The following SRP68 variants were observed in gnomAD, a reference collection of about 807,000 sequenced individuals.
The protein encoded by SRP68 is signal recognition particle subunit SRP68.
SRP68 carries 15 observed loss-of-function variants against 82.2 expected under a neutral mutation model. The ratio of observed to expected loss-of-function variants is 0.18; its 90% CI spans 0.12 to 0.28. The LOEUF is 0.28. Among genes scored for constraint, SRP68 ranks in the 10% least tolerant of loss-of-function variants. The probability of loss-of-function intolerance (pLI) is 1.00; values close to 1 mark genes in which losing one functional copy is unlikely to be tolerated. For synonymous variants in SRP68, 261 were observed against 292.6 expected (o/e 0.89, Z 1.10); for missense variants, 595 against 780.5 (o/e 0.76, Z 2.83).
At position 76,061,999 on chromosome 17, in the gene SRP68, G is replaced by A. The variant is rs139087052; in HGVS notation, c.562-425C>T. Among the ~76,000 whole-genome samples the A allele has an allele frequency of 7.5e-3, 1,136 of 151,650 alleles. 12 individuals carry two copies. The highest frequency in any genetic ancestry group is 0.026 in the African/African-American group (1,081 of 41,368). ...ACCAAAAATTAAAAAAAAATTACCC[G>A]GGTGTGGCCAGGCGCAGTGGCTCAT... On this transcript the variant is annotated intron_variant, in intron 4 of 15. Transcript: ENST00000307877.
At chr17:76,055,990 T>C (rs960890873) in intron 8 of SRP68, among the ~76,000 whole-genome samples, 5 of 151,806 alleles carry the variant, frequency 3.3e-5, no homozygotes, top group African/African-American at 1.2e-4. Context: ...TGGTACTTTT[T>C]TTTGTAGAGA....
intron 12 of SRP68, chr17:76,044,684 T>C (rs1340012765): frequency 2.0e-5 from 3 of 152,368 alleles, no homozygotes; most frequent in African/African-American, 7.2e-5. Flanking sequence ...TAACACCCTT[T>C]CAAGGCGTGC....
chr17:76,049,385 T>A (rs777093258), intron 9 of SRP68: 1 of 151,632 alleles, frequency 6.6e-6, no homozygotes, highest in Non-Finnish European at 1.5e-5. Flanking sequence ...ACAGATGGGG[T>A]TTGGACAGGT....
In SRP68 at chr17:76,040,943, C is replaced by T. The variant is rs2066585526; in HGVS notation, c.1560G>A (p.Val520=). 6.2e-7 allele frequency: 1 copy of T among 1,614,062 alleles called. No individual in the cohort carries two copies. Among genetic ancestry groups the T allele is most frequent in the South Asian group, 1.1e-5 (1 of 91,078 alleles). ...LPDVQELITQ[V]RSEKCSLQAA... ...CCTGCAGGGAGCACTTCTCTGACCG[C>T]ACTTGAGTGATGAGCTCTTGCACAT... Residue 520 remains valine (V), a synonymous_variant, in exon 14 of 16, where the codon GTG becomes GTA. Transcript: ENST00000307877.
At chr17:76,056,441 C>T in intron 8 of SRP68, among the ~76,000 whole-genome samples, 1 of 152,184 alleles carries the variant, frequency 6.6e-6, no homozygotes, top group East Asian at 1.9e-4. Context: ...AAAAAAAGTT[C>T]CTTAGCCTTT....
chr17:76,060,720 T>C (rs1329259704), intron 6 of SRP68: 4 of 342,368 alleles, frequency 1.2e-5, no homozygotes, highest in African/African-American at 2.1e-5. Context: ...TTGTAACAAA[T>C]GCACCCCTCT....
At chr17:76,054,457 T>C in intron 8 of SRP68, among the ~76,000 whole-genome samples, 1 of 152,242 alleles carries the variant, frequency 6.6e-6, no homozygotes, top group Non-Finnish European at 1.5e-5. Context: ...CTTGAGAATA[T>C]ACATGAATAT....
chr17:76,045,752 C>T (rs2066625413), intron 11 of SRP68, among the ~76,000 whole-genome samples: 2 of 152,156 alleles, frequency 1.3e-5, no homozygotes, highest in South Asian at 4.1e-4. Context: ...TCCCTGGGGG[C>T]CGAGATGGCA....
intron 1 of SRP68, among the ~76,000 whole-genome samples, chr17:76,070,850 G>GCACACACACACACACACACACA (rs71891783): frequency 6.8e-6 from 1 of 146,776 alleles, no homozygotes; most frequent in Non-Finnish European, 1.5e-5. Flanking sequence ...ACATGCACAT[G>GCACACACACACACACACACACA]CACACACACA....
At position 76,045,040 on chromosome 17, in the gene SRP68, C is replaced by T. The variant is rs2066619454; in HGVS notation, c.1394+252G>A. 5 of 342,262 alleles carry T rather than the reference C, an allele frequency of 1.5e-5. No homozygotes were observed. The South Asian group carries it at 2.8e-4, about 19-fold the overall frequency. The allele number at this position is 342,262 out of a possible 1,614,324, so 21.2% of individuals were successfully genotyped here. A position where few individuals can be genotyped will look rare whatever the true frequency, so the allele number is the denominator to read the frequency against. Reference sequence around the variant, plus strand: ...GACAAGTGTGAGCCACCGCGCCCAGCGAGGAAGCCAAGTTTAACGTGTGTG... The same window carrying T: ...GACAAGTGTGAGCCACCGCGCCCAGTGAGGAAGCCAAGTTTAACGTGTGTG... On this transcript the variant is annotated intron_variant, in intron 12 of 15. Transcript: ENST00000307877.
rs934149758 is a variant in SRP68 at position 76,039,271 on chromosome 17, T to C, written c.*435A>G. Reference sequence around the variant, plus strand: ...TTCTGGGGTGACGTTGCCAGTTTCATAGTCATAGATAAACTTCTCAAGGGC... The same window carrying C: ...TTCTGGGGTGACGTTGCCAGTTTCACAGTCATAGATAAACTTCTCAAGGGC... On this transcript the variant is annotated 3_prime_UTR_variant, in exon 16 of 16. Transcript: ENST00000307877. 1 of 454,206 alleles carries C rather than the reference T, an allele frequency of 2.2e-6. No individual in the cohort carries two copies. The highest frequency in any genetic ancestry group is 2.0e-5 in the African/African-American group (1 of 50,046). The allele number at this position is 454,206 out of a possible 1,614,324, so 28.1% of individuals were successfully genotyped here. A position where few individuals can be genotyped will look rare whatever the true frequency, so the allele number is the denominator to read the frequency against.
chr17:76,071,467 T>C lies in SRP68; in HGVS notation c.184+841A>G, dbSNP rs2066852426. Among the ~76,000 whole-genome samples the C allele has an allele frequency of 6.6e-6, 1 of 152,238 alleles. No individual in the cohort carries two copies. The highest frequency in any genetic ancestry group is 2.1e-4 in the South Asian group (1 of 4,834). ...AAAATAGTGAACGCTAAAAGGACTC[T>C]TTAAATTACTAAAACGGGACAAAGA... On this transcript the variant is annotated intron_variant, in intron 1 of 15. Transcript: ENST00000307877. This position sits in a 1 kb window ranked among gnomAD's most constrained non-coding sequence, Gnocchi z 4.7.
chr17:76,068,626 A>G (rs1224651514), intron 2 of SRP68, among the ~76,000 whole-genome samples: 1 of 152,182 alleles, frequency 6.6e-6, no homozygotes, highest in Non-Finnish European at 1.5e-5. Flanking sequence ...TATCGCCAAG[A>G]AGCACTACAA....
In SRP68 at chr17:76,045,726, C is replaced by T. The variant is rs546224634; in HGVS notation, c.1299+312G>A. On this transcript the variant is annotated intron_variant, in intron 11 of 15. Transcript: ENST00000307877. ...CCTTGACTGTGTGTGTCTCACAGTC[C>T]TACTGACTGACAAACTCCCTGGGGG... Among the ~76,000 whole-genome samples, 5 of 152,260 alleles carry T rather than the reference C, an allele frequency of 3.3e-5. No individual in the cohort carries two copies. The South Asian group carries it at 1.0e-3, about 32-fold the overall frequency.
intron 13 of SRP68, among the ~76,000 whole-genome samples, chr17:76,042,878 T>C (rs115999038): frequency 0.015 from 2,308 of 152,200 alleles, 55 homozygotes; most frequent in African/African-American, 0.051. Flanking sequence ...AGCCACTGCA[T>C]CCAGCCCTGT....
intron 4 of SRP68, 84 bp downstream of exon 4, chr17:76,063,892 T>G: frequency 7.8e-7 from 1 of 1,277,284 alleles, no homozygotes; most frequent in Non-Finnish European, 1.1e-6. Flanking sequence ...TTTCTAACAC[T>G]AAGAAACTCT....
At chr17:76,058,722 A>G (rs2144511198) in intron 7 of SRP68, among the ~76,000 whole-genome samples, 1 of 152,360 alleles carries the variant, frequency 6.6e-6, no homozygotes, top group Non-Finnish European at 1.5e-5. Context: ...AGGAATGCTA[A>G]TCAGTAGAAA....
chr17:76,045,399 T>C lies in SRP68; in HGVS notation c.1300-13A>G, dbSNP rs974127167. On this transcript the variant is annotated splice_polypyrimidine_tract_variant and intron_variant, in intron 11 of 15. Coordinates refer to ENST00000307877, the MANE Select transcript of SRP68 (RefSeq NM_014230.4). ...ATTCCACCAGATTCTGTACAACAGA[T>C]GCAACAAGAAAATTCATGAAGAGTA... 2 of 1,580,202 alleles carry C rather than the reference T, an allele frequency of 1.3e-6. No individual in the cohort carries two copies. Among genetic ancestry groups the C allele is most frequent in the Non-Finnish European group, 1.7e-6 (2 of 1,151,146 alleles).
chr17:76,062,974 G>T (rs965836510), intron 4 of SRP68, among the ~76,000 whole-genome samples: 1 of 150,566 alleles, frequency 6.6e-6, no homozygotes, highest in Non-Finnish European at 1.5e-5. Flanking sequence ...GTTTCACCGT[G>T]TTAGCCAGGA....
Sources: allele counts gnomAD v4.1 joint callset (sites outside exome capture counted in the v4.1 genomes callset), GRCh38; gene constraint gnomAD v4.1.1; non-coding constraint Gnocchi (gnomAD v3.1); transcripts MANE v1.5; gene names NCBI Gene and HGNC (gene_info 2026-07-23, HGNC 2026-07-21).